CSPP1: variants seen among roughly 807,000 people sequenced by gnomAD.
CSPP1 encodes centrosome and spindle pole-associated protein 1.
Under a neutral mutation model 164.4 loss-of-function variants are expected in CSPP1, and 126 were observed. That is an observed-to-expected ratio of 0.77 (90% CI 0.66 to 0.89). The LOEUF (loss-of-function observed/expected upper bound fraction) is 0.89. Ranked by LOEUF, CSPP1 falls within the 40% of genes least tolerant of loss-of-function variation. The pLI, the probability that CSPP1 is intolerant of heterozygous loss-of-function variation, is 0.00. For missense variants in CSPP1, 1,395 were observed against 1,449.8 expected (o/e 0.96, Z 0.61); for synonymous variants, 472 against 476.7 (o/e 0.99, Z 0.13).
rs1377917195 is a variant in CSPP1 at position 67,190,835 on chromosome 8, T to C, written c.3330+76T>C. The C allele has an allele frequency of 2.3e-5, 24 of 1,045,142 alleles. No individual in the cohort carries two copies. In the Admixed American group the frequency reaches 4.0e-4, roughly 18 times the overall value. The allele number at this position is 1,045,142 out of a possible 1,614,324, so 64.7% of individuals were successfully genotyped here. On this transcript the variant is annotated intron_variant, in intron 29 of 30. Coordinates refer to ENST00000678616, the MANE Select transcript of CSPP1 (RefSeq NM_001382391.1). The stretch of plus-strand genomic sequence containing the variant: ...TGGGTTCTGACCTGTGCTAAATCTG[T>C]GTGGCCCAATAAAGAGCACTTGCTT...
intron 3 of CSPP1, chr8:67,080,899 G>C (rs1809016060): frequency 6.6e-6 from 1 of 152,124 alleles, no homozygotes; most frequent in Non-Finnish European, 1.5e-5. Flanking sequence ...TGAGTGTCCA[G>C]AGTTTTTACT....
intron 24 of CSPP1, among the ~76,000 whole-genome samples, chr8:67,168,297 G>A: frequency 6.9e-6 from 1 of 144,820 alleles, no homozygotes; most frequent in African/African-American, 2.5e-5. Context: ...GAAAGAGAGG[G>A]AGAGGGAGGC....
At chr8:67,117,866 T>G (rs1449598423) in intron 13 of CSPP1, among the ~76,000 whole-genome samples, 1 of 152,188 alleles carries the variant, frequency 6.6e-6, no homozygotes, top group Non-Finnish European at 1.5e-5. Context: ...TATTGCTATT[T>G]AGTTTAATTT....
At chr8:67,084,338 G>A (rs190971380) in intron 3 of CSPP1, 9 of 152,212 alleles carry the variant, frequency 5.9e-5, no homozygotes, top group Middle Eastern at 3.4e-3. Context: ...TGTTGATAGC[G>A]GTAAGTGGAT....
chr8:67,070,626 C>A (rs890659927), intron 1 of CSPP1, among the ~76,000 whole-genome samples: 1 of 151,568 alleles, frequency 6.6e-6, no homozygotes, highest in Non-Finnish European at 1.5e-5. Flanking sequence ...CAGAGCGAGA[C>A]CTCATCTCTA....
intron 17 of CSPP1, among the ~76,000 whole-genome samples, chr8:67,141,514 A>T (rs528418081): frequency 6.6e-6 from 1 of 152,228 alleles, no homozygotes; most frequent in East Asian, 1.9e-4. Flanking sequence ...TGTGGATGCT[A>T]CATTTTATCT....
At chr8:67,148,250 A>G (rs1825008682) in intron 17 of CSPP1, among the ~76,000 whole-genome samples, 1 of 152,138 alleles carries the variant, frequency 6.6e-6, no homozygotes, top group South Asian at 2.1e-4. Flanking sequence ...TTCTGTAACA[A>G]CCACAACTGC....
intron 3 of CSPP1, among the ~76,000 whole-genome samples, chr8:67,084,983 G>A (rs922068823): frequency 1.3e-5 from 2 of 152,066 alleles, no homozygotes; most frequent in Non-Finnish European, 2.9e-5. Context: ...TATTTAAAGT[G>A]TACAATTCAA....
intron 7 of CSPP1, among the ~76,000 whole-genome samples, chr8:67,099,956 C>G (rs897379511): frequency 6.6e-6 from 1 of 151,966 alleles, no homozygotes; most frequent in Non-Finnish European, 1.5e-5. Context: ...TATTTGTAAA[C>G]AGTAATTCTT....
intron 8 of CSPP1, among the ~76,000 whole-genome samples, chr8:67,103,432 A>G (rs1483483203): frequency 2.6e-5 from 4 of 152,176 alleles, no homozygotes; most frequent in Admixed American, 2.6e-4. Context: ...AGAAATAAGT[A>G]TAATTTAATG....
At chr8:67,118,130 C>A in intron 13 of CSPP1, 118 bp from the exon 14 acceptor site, 2 of 1,042,454 alleles carry the variant, frequency 1.9e-6, no homozygotes, top group African/African-American at 1.6e-5. Flanking sequence ...AAGATGGTGA[C>A]ATTTTCTAAA....
At chr8:67,111,565 G>A (rs1275195219) in intron 9 of CSPP1, among the ~76,000 whole-genome samples, 2 of 152,276 alleles carry the variant, frequency 1.3e-5, no homozygotes, top group Admixed American at 6.5e-5. Context: ...TGAGGCTCCA[G>A]TATTGGGCCA....
chr8:67,143,180 C>G (rs766654202), intron 17 of CSPP1, among the ~76,000 whole-genome samples: 2 of 151,864 alleles, frequency 1.3e-5, no homozygotes, highest in Non-Finnish European at 2.9e-5. Context: ...TGAAATTCCT[C>G]TTTCTCAGTC....
chr8:67,126,094 A>C (rs1381102043), intron 15 of CSPP1, among the ~76,000 whole-genome samples: 1 of 152,192 alleles, frequency 6.6e-6, no homozygotes, highest in Non-Finnish European at 1.5e-5. Flanking sequence ...GGCCTCTCAA[A>C]GTGCTGGGAT....
chr8:67,118,536 A>G (rs946379068), intron 14 of CSPP1, among the ~76,000 whole-genome samples, 167 bp downstream of exon 14: 6 of 152,116 alleles, frequency 3.9e-5, no homozygotes, highest in Non-Finnish European at 7.4e-5. Context: ...GTTATATTTT[A>G]TAGTTATTTC....
intron 8 of CSPP1, among the ~76,000 whole-genome samples, chr8:67,104,966 A>ATTTATTTTT (rs1815126739): frequency 1.6e-5 from 1 of 60,742 alleles, no homozygotes; most frequent in African/African-American, 6.9e-5. Context: ...ATATATATAT[A>ATTTATTTTT]TTTTTTTTTT....
In CSPP1 at chr8:67,161,830, C is replaced by T. The variant is rs1357349997; in HGVS notation, c.2558C>T (p.Pro853Leu). ...EETKHMRQPS[P>L]IVPALQNKIA... ...TTTCAGCACATGAGACAGCCTTCTCCTATAGTTCCTGCTCTTCAGAACAAA... is the reference window on the plus strand; with the variant it reads ...TTTCAGCACATGAGACAGCCTTCTCTTATAGTTCCTGCTCTTCAGAACAAA... The change falls in exon 22 of 31, where the codon CCT (proline) becomes CTT (leucine). Residue 853 changes from proline (P) to leucine (L), a missense_variant. By Grantham distance (98) the Pro-to-Leu change is moderately conservative (BLOSUM62 -3). Transcript: ENST00000678616. 1.2e-6 allele frequency: 2 copies of T among 1,613,012 alleles called. No individual in the cohort carries two copies. Among genetic ancestry groups the T allele is most frequent in the Admixed American group, 3.3e-5 (2 of 60,006 alleles).
At chr8:67,070,472 A>G (rs1216174560) in intron 1 of CSPP1, among the ~76,000 whole-genome samples, 2 of 151,406 alleles carry the variant, frequency 1.3e-5, no homozygotes, top group African/African-American at 4.9e-5. Flanking sequence ...CAAAAAAAAA[A>G]AAAAAAAGCT....
intron 3 of CSPP1, among the ~76,000 whole-genome samples, chr8:67,077,740 G>A (rs1398795768): frequency 2.0e-5 from 3 of 152,196 alleles, no homozygotes; most frequent in African/African-American, 7.2e-5. Flanking sequence ...TTAAAGCATT[G>A]TTCTCAAATG....
Sources: gnomAD v4.1 joint callset for allele counts (sites outside exome capture counted in the v4.1 genomes callset) on GRCh38, gnomAD v4.1.1 for gene constraint, MANE v1.5 for transcripts, NCBI Gene and HGNC (gene_info 2026-07-23, HGNC 2026-07-21) for gene names.